RASAL2: variants seen among roughly 807,000 people sequenced by gnomAD.
The protein encoded by RASAL2 is ras GTPase-activating protein nGAP.
A neutral mutation model predicts 128.9 loss-of-function variants in RASAL2; 58 were observed. The ratio of observed to expected loss-of-function variants is 0.45; its 90% CI spans 0.36 to 0.56. The LOEUF (loss-of-function observed/expected upper bound fraction) is 0.56. Among genes scored for constraint, RASAL2 ranks in the 20% least tolerant of loss-of-function variants. The pLI is 0.00. For synonymous variants in RASAL2, 561 were observed against 580.8 expected, an observed-to-expected ratio of 0.97 and a Z score of 0.49; for missense variants, 1,360 against 1,601.6, an observed-to-expected ratio of 0.85 and a Z score of 2.57.
Position 178,095,645 on chromosome 1 carries a change from A to G in RASAL2, c.202+951A>G, listed in dbSNP as rs147707224. On this transcript the variant is annotated intron_variant, in intron 1 of 17. Coordinates refer to ENST00000367649, the MANE Select transcript of RASAL2 (RefSeq NM_170692.4). ...TAAGCCTGTAGTGATCAAGTACCTT[A>G]TGTTTTTTTCTTTCATCTTTCTGAA... 7.1e-3 allele frequency among the ~76,000 whole-genome samples: 1,077 copies of G among 152,318 alleles called. 13 individuals are homozygous for G. The highest frequency in any genetic ancestry group is 0.025 in the African/African-American group (1,019 of 41,572).
rs756841457 is a variant in RASAL2, at chr1:178,456,802, C to A, written c.2293C>A (p.Gln765Lys). 1 of 1,614,170 alleles carries A rather than the reference C, an allele frequency of 6.2e-7. No homozygotes were observed. The change falls in exon 13 of 18, where the codon CAG becomes AAG. Residue 765 changes from glutamine (Q) to lysine (K), a missense_variant. Coordinates refer to ENST00000367649, the MANE Select transcript of RASAL2 (RefSeq NM_170692.4). ...KSLTNPTPIQ[Q>K]QLRRFTEHNS... ...ATTGACTAATCCTACGCCAATACAA[C>A]AGCAACTGAGACGCTTCACTGAACA...
intron 1 of RASAL2, among the ~76,000 whole-genome samples, chr1:178,282,223 G>A (rs1157718677): frequency 6.6e-6 from 1 of 152,178 alleles, no homozygotes; most frequent in Non-Finnish European, 1.5e-5. Context: ...CTTGGACCTT[G>A]AATTATCTTT....
intron 1 of RASAL2, among the ~76,000 whole-genome samples, chr1:178,275,019 G>A (rs1466682066): frequency 6.6e-6 from 1 of 152,110 alleles, no homozygotes; most frequent in South Asian, 2.1e-4. Context: ...TGTTTAAGAG[G>A]TTTAGTATGA....
At chr1:178,158,046 TA>T (rs1414247486) in intron 1 of RASAL2, among the ~76,000 whole-genome samples, 2 of 152,230 alleles carry the variant, frequency 1.3e-5, no homozygotes, top group African/African-American at 4.8e-5. Context: ...CCAGTGGACA[TA>T]TTTTGACTGC....
chr1:178,450,775 G>T (rs1380276410), intron 9 of RASAL2, among the ~76,000 whole-genome samples: 2 of 152,116 alleles, frequency 1.3e-5, no homozygotes, highest in African/African-American at 4.8e-5. Flanking sequence ...CATTTTGGGA[G>T]CTATTCAGAA....
At chr1:178,446,506 G>A (rs1021752883) in intron 9 of RASAL2, among the ~76,000 whole-genome samples, 59 of 152,116 alleles carry the variant, frequency 3.9e-4, no homozygotes, top group African/African-American at 1.4e-3. Flanking sequence ...ACTATTTAAT[G>A]GTTTAGAAGA....
intron 1 of RASAL2, among the ~76,000 whole-genome samples, chr1:178,271,911 G>C (rs1666277310): frequency 6.6e-6 from 1 of 152,070 alleles, no homozygotes; most frequent in South Asian, 2.1e-4. Context: ...GATTGTTGAA[G>C]TAGGACCACC....
intron 1 of RASAL2, among the ~76,000 whole-genome samples, chr1:178,233,473 G>A (rs1021399319): frequency 2.6e-5 from 4 of 152,210 alleles, no homozygotes; most frequent in Non-Finnish European, 4.4e-5. Flanking sequence ...AAGCCACTGG[G>A]TGCTTATCGG....
In RASAL2 at chr1:178,194,101, A is replaced by C. The variant is rs144059412; in HGVS notation, c.203-89463A>C. Reference sequence around the variant, plus strand: ...AAAATCTACCCAGCAGCTCATTAACATATAGAAACATACATCATGAGAACA... The same window carrying C: ...AAAATCTACCCAGCAGCTCATTAACCTATAGAAACATACATCATGAGAACA... On this transcript the variant is annotated intron_variant, in intron 1 of 17. Transcript: ENST00000367649. Among the ~76,000 whole-genome samples the C allele has an allele frequency of 4.3e-3, 656 of 152,298 alleles. 13 individuals carry two copies. The highest frequency in any genetic ancestry group is 0.015 in the African/African-American group (630 of 41,558).
intron 13 of RASAL2, among the ~76,000 whole-genome samples, 197 bp downstream of exon 13, chr1:178,457,096 A>G (rs1484125143): frequency 6.6e-6 from 1 of 152,254 alleles, no homozygotes; most frequent in Non-Finnish European, 1.5e-5. Flanking sequence ...GAATGGTAGT[A>G]TAGAGAGTTA....
At chr1:178,256,992 C>T (rs768796761) in intron 1 of RASAL2, among the ~76,000 whole-genome samples, 5 of 151,992 alleles carry the variant, frequency 3.3e-5, no homozygotes, top group Non-Finnish European at 5.9e-5. Flanking sequence ...TTTTTATATA[C>T]TTGCAATGAA....
intron 1 of RASAL2, among the ~76,000 whole-genome samples, chr1:178,137,955 G>T (rs1453024283): frequency 1.3e-5 from 2 of 152,178 alleles, no homozygotes; most frequent in African/African-American, 2.4e-5. Flanking sequence ...TCTAGTGAGG[G>T]TGATTTAAAG....
intron 1 of RASAL2, among the ~76,000 whole-genome samples, chr1:178,200,519 C>G (rs561012540): frequency 1.3e-5 from 2 of 152,302 alleles, no homozygotes; most frequent in South Asian, 4.1e-4. Flanking sequence ...CTCGGGGCTT[C>G]TAACTGCTGG....
At chr1:178,455,447 T>A (rs1572106367) in intron 12 of RASAL2, among the ~76,000 whole-genome samples, 1 of 152,206 alleles carries the variant, frequency 6.6e-6, no homozygotes, top group Non-Finnish European at 1.5e-5. Flanking sequence ...TATTTTCCTC[T>A]ATTTTCCTAT....
At chr1:178,149,038 A>G (rs759557074) in intron 1 of RASAL2, among the ~76,000 whole-genome samples, 10 of 151,826 alleles carry the variant, frequency 6.6e-5, no homozygotes, top group Non-Finnish European at 1.5e-4. Context: ...CTAAGTATAG[A>G]TGACAGAAGT....
At chr1:178,119,142 C>T (rs1277228470) in intron 1 of RASAL2, among the ~76,000 whole-genome samples, 4 of 152,042 alleles carry the variant, frequency 2.6e-5, no homozygotes, top group African/African-American at 2.4e-5. Context: ...TGCTGGGATT[C>T]CAGGCGTGAG....
At chr1:178,458,695 G>T (rs1181968026) in intron 14 of RASAL2, 151 bp downstream of exon 14, 2 of 1,105,368 alleles carry the variant, frequency 1.8e-6, no homozygotes, top group African/African-American at 3.2e-5. Flanking sequence ...AAATTTGGGA[G>T]GCTTCTGCCC....
chr1:178,136,756 C>CAAAAAAAAAAAAAAAAAAAAA (rs397982072), intron 1 of RASAL2, among the ~76,000 whole-genome samples: 1 of 47,200 alleles, frequency 2.1e-5, no homozygotes, highest in African/African-American at 1.0e-4. Context: ...GACTCTGTCT[C>CAAAAAAAAAAAAAAAAAAAAA]AAAAAAAAAA....
At chr1:178,353,196 G>T (rs1670611751) in intron 3 of RASAL2, among the ~76,000 whole-genome samples, 1 of 152,118 alleles carries the variant, frequency 6.6e-6, no homozygotes, top group Non-Finnish European at 1.5e-5. Context: ...AGCTTTTACT[G>T]TCCATTTCCC....
Sources: allele counts gnomAD v4.1 joint callset (sites outside exome capture counted in the v4.1 genomes callset), GRCh38; gene constraint gnomAD v4.1.1; transcripts MANE v1.5; gene names NCBI Gene and HGNC (gene_info 2026-07-23, HGNC 2026-07-21).